WDR27: variants seen among roughly 807,000 people sequenced by gnomAD.
WDR27 encodes the protein WD repeat domain 27.
WDR27 carries 100 observed loss-of-function variants against 114.4 expected under a neutral mutation model. The ratio of observed to expected loss-of-function variants is 0.87; its 90% CI spans 0.74 to 1.03. WDR27 has a LOEUF of 1.03. WDR27 is among the 50% of genes least tolerant of loss of function. The probability of loss-of-function intolerance (pLI) is 0.00; values close to 1 mark genes in which losing one functional copy is unlikely to be tolerated. For missense variants in WDR27, 1,129 were observed against 1,092.9 expected, an observed-to-expected ratio of 1.03 and a Z score of -0.47; for synonymous variants, 449 against 423.1, an observed-to-expected ratio of 1.06 and a Z score of -0.75.
At chr6:169,527,063 AG>A (rs1390710753) in intron 25 of WDR27, among the ~76,000 whole-genome samples, 1 of 152,250 alleles carries the variant, frequency 6.6e-6, no homozygotes, top group African/African-American at 2.4e-5. Context: ...AAAATAATGT[AG>A]CCACTGGTAT....
In WDR27 at chr6:169,556,166, G is replaced by C. The variant is rs1393755284; in HGVS notation, c.2645+16253C>G. On this transcript the variant is annotated intron_variant, in intron 25 of 25. Coordinates refer to ENST00000448612, the MANE Select transcript of WDR27 (RefSeq NM_182552.5). ...GGTTGTGCTGGGCTCCTACCTGTGA[G>C]GTAGGAGCCTTGGGGGCCTCAGGGA... Among the ~76,000 whole-genome samples, 4 of 152,316 alleles carry C rather than the reference G, an allele frequency of 2.6e-5. No individual in the cohort carries two copies. In the East Asian group the frequency reaches 7.7e-4, roughly 29 times the overall value.
Position 169,602,312 on chromosome 6 carries a change from G to C in WDR27, c.2331C>G (p.Arg777=). 1 of 1,548,800 alleles carries C rather than the reference G, an allele frequency of 6.5e-7. No individual in the cohort carries two copies. The highest frequency in any genetic ancestry group is 8.8e-7 in the Non-Finnish European group (1 of 1,142,316). Residue 777 remains arginine, a synonymous_variant, in exon 23 of 26, where the codon CGC becomes CGG. Transcript: ENST00000448612. ...LWDLRTLRCE[R]HFEGHPTRGY... Reference sequence around the variant, plus strand: ...CGCGGGTTGGATGCCCTTCAAAGTGGCGCTCACACCTACAGGGAGGAAAGA... The same window carrying C: ...CGCGGGTTGGATGCCCTTCAAAGTGCCGCTCACACCTACAGGGAGGAAAGA...
rs186195601 is a variant in WDR27 at position 169,592,429 on chromosome 6, G to T, written c.2425-9495C>A. 3.1e-3 allele frequency among the ~76,000 whole-genome samples: 468 copies of T among 152,176 alleles called. 1 individual carries two copies. Among genetic ancestry groups the T allele is most frequent in the Middle Eastern group, 6.8e-3 (2 of 294 alleles). ...GCAGAAATCTTGTTAATACCGGAAT[G>T]GTTTATCCTTTTTGAGGCTATTCTC... On this transcript the variant is annotated intron_variant, in intron 23 of 25. Transcript: ENST00000448612.
At chr6:169,475,195 A>G (rs895619678) in intron 25 of WDR27, among the ~76,000 whole-genome samples, 1 of 152,196 alleles carries the variant, frequency 6.6e-6, no homozygotes, top group Non-Finnish European at 1.5e-5. Context: ...TTACAAAAAT[A>G]TTATCCTATA....
chr6:169,501,840 C>G (rs1469551026), intron 25 of WDR27, among the ~76,000 whole-genome samples: 1 of 152,188 alleles, frequency 6.6e-6, no homozygotes, highest in Non-Finnish European at 1.5e-5. Context: ...TCAAGCTGGT[C>G]GAGGAGGTGC....
intron 21 of WDR27, among the ~76,000 whole-genome samples, chr6:169,618,045 T>C (rs150348014): frequency 2.2e-4 from 34 of 152,306 alleles, no homozygotes; most frequent in Admixed American, 5.9e-4. Context: ...GAAAGACCCA[T>C]ACCAAATTCA....
At chr6:169,503,542 A>G (rs1791608573) in intron 25 of WDR27, among the ~76,000 whole-genome samples, 1 of 152,198 alleles carries the variant, frequency 6.6e-6, no homozygotes, top group Non-Finnish European at 1.5e-5. Flanking sequence ...GTCCCCAGAC[A>G]CTACAGCCTG....
chr6:169,632,186 T>C (rs894315202), intron 21 of WDR27, among the ~76,000 whole-genome samples: 1 of 130,328 alleles, frequency 7.7e-6, no homozygotes, highest in Non-Finnish European at 1.6e-5. Context: ...AGAGACTCTG[T>C]CTCAAAAAAA....
At chr6:169,551,476 G>A (rs1260303392) in intron 25 of WDR27, among the ~76,000 whole-genome samples, 1 of 152,064 alleles carries the variant, frequency 6.6e-6, no homozygotes, top group Non-Finnish European at 1.5e-5. Flanking sequence ...TAAAACAAGA[G>A]GAGGATCCAG....
chr6:169,618,978 A>G (rs568080125), intron 21 of WDR27, among the ~76,000 whole-genome samples: 3 of 152,330 alleles, frequency 2.0e-5, no homozygotes, highest in Non-Finnish European at 4.4e-5. Flanking sequence ...CAGGAAGTAA[A>G]ACCCGTAATT....
intron 18 of WDR27, 38 bp from the exon 19 acceptor site, chr6:169,636,542 ATGTT>A: frequency 6.4e-7 from 1 of 1,559,240 alleles, no homozygotes; most frequent in African/African-American, 1.4e-5. Context: ...AATATAATAA[ATGTT>A]AACAAAAACA....
intron 16 of WDR27, among the ~76,000 whole-genome samples, chr6:169,646,807 G>T (rs891967755): frequency 6.6e-6 from 1 of 151,884 alleles, no homozygotes; most frequent in East Asian, 1.9e-4. Context: ...ATTCAAACTT[G>T]AGGGCAGATA....
chr6:169,661,068 TG>T (rs1312781890), intron 9 of WDR27, among the ~76,000 whole-genome samples: 1 of 152,120 alleles, frequency 6.6e-6, no homozygotes, highest in Non-Finnish European at 1.5e-5. Context: ...GTGGAGAGCG[TG>T]GGCCGGGGCA....
intron 25 of WDR27, among the ~76,000 whole-genome samples, chr6:169,571,874 A>G (rs954804511): frequency 6.6e-6 from 1 of 152,156 alleles, no homozygotes; most frequent in Non-Finnish European, 1.5e-5. Context: ...CACACCAAAG[A>G]GCAGGGGAGG....
intron 25 of WDR27, among the ~76,000 whole-genome samples, chr6:169,532,372 A>G (rs1043892667): frequency 5.9e-5 from 9 of 152,318 alleles, no homozygotes; most frequent in Admixed American, 3.9e-4. Context: ...AAATAAGTTT[A>G]CTTCATTTAT....
At chr6:169,573,474 A>G (rs537284008) in intron 24 of WDR27, among the ~76,000 whole-genome samples, 62 of 152,276 alleles carry the variant, frequency 4.1e-4, no homozygotes, top group African/African-American at 1.4e-3. Context: ...ACAGCCCCCC[A>G]GGATGTGAAA....
At chr6:169,532,455 T>C (rs1282236716) in intron 25 of WDR27, among the ~76,000 whole-genome samples, 1 of 152,136 alleles carries the variant, frequency 6.6e-6, no homozygotes, top group Non-Finnish European at 1.5e-5. Flanking sequence ...AAAGATCTAA[T>C]ATTGAGTAGA....
rs780577759 is a variant in WDR27 at position 169,649,183 on chromosome 6, C to A, written c.1559+15G>T. The A allele has an allele frequency of 2.6e-6, 4 of 1,558,910 alleles. No individual in the cohort carries two copies. Among genetic ancestry groups the A allele is most frequent in the African/African-American group, 2.7e-5 (2 of 73,364 alleles). On this transcript the variant is annotated intron_variant, in intron 15 of 25. Transcript: ENST00000448612. ...TTATTTCAAATGTACTTGGAATGCA[C>A]GCTACATCACACACCGTGCGCAGCT... is the stretch of plus-strand genomic sequence containing the variant.
intron 23 of WDR27, among the ~76,000 whole-genome samples, chr6:169,594,570 C>A (rs897952608): frequency 2.6e-5 from 4 of 152,154 alleles, no homozygotes; most frequent in Non-Finnish European, 5.9e-5. Context: ...ATTGTTTCCA[C>A]CTTGTGAAAT....
Sources: allele counts gnomAD v4.1 joint callset (sites outside exome capture counted in the v4.1 genomes callset), GRCh38; gene constraint gnomAD v4.1.1; transcripts MANE v1.5; gene names NCBI Gene and HGNC (gene_info 2026-07-23, HGNC 2026-07-21).